Variants in KCNH5 observed in about 807,000 individuals in gnomAD.
KCNH5 encodes voltage-gated delayed rectifier potassium channel KCNH5.
Under a neutral mutation model 96.1 loss-of-function variants are expected in KCNH5, and 46 were observed. That is an observed-to-expected ratio of 0.48 (90% CI 0.38 to 0.61). The LOEUF (loss-of-function observed/expected upper bound fraction) is 0.61. KCNH5 is among the 20% of genes least tolerant of loss of function. KCNH5 has a pLI of 0.00. For synonymous variants in KCNH5, 439 were observed against 449.8 expected (o/e 0.98, Z 0.30); for missense variants, 907 against 1,225.8 (o/e 0.74, Z 3.88).
chr14:62,905,499 G>C (rs375656517), intron 7 of KCNH5, among the ~76,000 whole-genome samples: 2 of 152,108 alleles, frequency 1.3e-5, no homozygotes, highest in South Asian at 2.1e-4. Context: ...CTTCATTGAG[G>C]GGGGCAGGGG....
chr14:62,921,455 G>A (rs1889379956), intron 7 of KCNH5, among the ~76,000 whole-genome samples: 1 of 152,096 alleles, frequency 6.6e-6, no homozygotes, highest in African/African-American at 2.4e-5. Context: ...AAAATGCCAA[G>A]TAAAGGGAAG....
intron 7 of KCNH5, among the ~76,000 whole-genome samples, chr14:62,890,656 G>A (rs1888691298): frequency 7.2e-6 from 1 of 139,574 alleles, no homozygotes; most frequent in African/African-American, 2.7e-5. Flanking sequence ...CCGAGATCGC[G>A]CCACTGCACT....
intron 7 of KCNH5, among the ~76,000 whole-genome samples, chr14:62,866,337 A>G (rs1300778928): frequency 1.3e-5 from 2 of 152,172 alleles, no homozygotes; most frequent in African/African-American, 2.4e-5. Context: ...CCCATGAAAC[A>G]CTGTATCCTA....
intron 6 of KCNH5, among the ~76,000 whole-genome samples, chr14:62,965,804 A>G (rs1252124078): frequency 6.6e-6 from 1 of 152,154 alleles, no homozygotes; most frequent in Non-Finnish European, 1.5e-5. Flanking sequence ...TATTTCCTAA[A>G]AATAATTACT....
intron 9 of KCNH5, among the ~76,000 whole-genome samples, chr14:62,797,403 A>G (rs1886562847): frequency 6.6e-6 from 1 of 152,212 alleles, no homozygotes; most frequent in African/African-American, 2.4e-5. Flanking sequence ...TTTCATCATC[A>G]TGATCTATAG....
chr14:62,865,009 T>C (rs1595661280), intron 7 of KCNH5, among the ~76,000 whole-genome samples: 1 of 152,254 alleles, frequency 6.6e-6, no homozygotes, highest in East Asian at 1.9e-4. Context: ...AGGTGTTTAC[T>C]ACACCAACCA....
intron 10 of KCNH5, chr14:62,712,471 T>C (rs1384346972): frequency 1.7e-6 from 1 of 596,210 alleles, no homozygotes; most frequent in Non-Finnish European, 3.0e-6. Flanking sequence ...AGAAGCAAAT[T>C]GAGGCATAAA....
chr14:62,895,870 T>C (rs189618207), intron 7 of KCNH5, among the ~76,000 whole-genome samples: 2 of 152,314 alleles, frequency 1.3e-5, no homozygotes, highest in East Asian at 3.9e-4. Flanking sequence ...GATAGCCTAG[T>C]CTACTTTGAA....
intron 7 of KCNH5, among the ~76,000 whole-genome samples, chr14:62,875,917 C>T (rs551600029): frequency 2.1e-4 from 32 of 152,254 alleles, no homozygotes; most frequent in African/African-American, 7.7e-4. Flanking sequence ...TGCCTGTATC[C>T]CAGCACTTTG....
intron 9 of KCNH5, among the ~76,000 whole-genome samples, chr14:62,792,128 T>C (rs1285309498): frequency 6.6e-6 from 1 of 151,570 alleles, no homozygotes; most frequent in Non-Finnish European, 1.5e-5. Context: ...AAAATGAGTA[T>C]TAAAATTAAG....
chr14:62,785,171 C>A (rs990003422), intron 9 of KCNH5, among the ~76,000 whole-genome samples: 1 of 152,152 alleles, frequency 6.6e-6, no homozygotes, highest in Non-Finnish European at 1.5e-5. Flanking sequence ...TCACAACAAA[C>A]TTTTACCGTG....
At chr14:62,815,267 AC>A (rs1196832038) in intron 8 of KCNH5, among the ~76,000 whole-genome samples, 1 of 152,102 alleles carries the variant, frequency 6.6e-6, no homozygotes, top group Non-Finnish European at 1.5e-5. Flanking sequence ...GGTTTACATT[AC>A]TCTTGAGGGC....
At chr14:62,950,072 G>T in intron 7 of KCNH5, 61 bp downstream of exon 7, 1 of 1,443,286 alleles carries the variant, frequency 6.9e-7, no homozygotes, top group Non-Finnish European at 9.7e-7. Context: ...TCCTATCTGA[G>T]ATTGTAGCCA....
At chr14:62,772,057 T>C (rs1334464302) in intron 10 of KCNH5, among the ~76,000 whole-genome samples, 1 of 152,200 alleles carries the variant, frequency 6.6e-6, no homozygotes. Flanking sequence ...TTTGCATTTT[T>C]GGAATTGGCT....
Position 62,849,643 on chromosome 14 carries a change from T to C in KCNH5, c.1569+10A>G, listed in dbSNP as rs571904908. The C allele has an allele frequency of 2.5e-6, 4 of 1,607,778 alleles. No individual in the cohort carries two copies. Among genetic ancestry groups the C allele is most frequent in the African/African-American group, 1.3e-5 (1 of 74,910 alleles). On this transcript the variant is annotated intron_variant, in intron 8 of 10. Coordinates refer to ENST00000322893, the MANE Select transcript of KCNH5 (RefSeq NM_139318.5). Reference sequence around the variant, plus strand: ...AATAGAAACTAAATAATAACAATAATAACCCATACCTTTTCTGTATCAATG... The same window carrying C: ...AATAGAAACTAAATAATAACAATAACAACCCATACCTTTTCTGTATCAATG...
chr14:62,960,130 T>C (rs1890178996), intron 6 of KCNH5, among the ~76,000 whole-genome samples: 3 of 152,202 alleles, frequency 2.0e-5, no homozygotes, highest in African/African-American at 7.2e-5. Context: ...GATTATGCAC[T>C]TGCTGTTCTT....
chr14:62,738,400 A>T (rs1385337425), intron 10 of KCNH5, among the ~76,000 whole-genome samples: 1 of 152,206 alleles, frequency 6.6e-6, no homozygotes, highest in African/African-American at 2.4e-5. Flanking sequence ...AGGACAACCG[A>T]ATTCGAAAGA....
chr14:62,936,366 T>G (rs1034258266), intron 7 of KCNH5, among the ~76,000 whole-genome samples: 3 of 151,456 alleles, frequency 2.0e-5, no homozygotes, highest in Non-Finnish European at 4.4e-5. Context: ...GAGAGAGAGA[T>G]GGACAATGCA....
chr14:62,823,093 T>C (rs1887147948), intron 8 of KCNH5, among the ~76,000 whole-genome samples: 1 of 152,094 alleles, frequency 6.6e-6, no homozygotes. Flanking sequence ...CTGGCTCTTT[T>C]GGAAACATTT....
Sources: allele counts gnomAD v4.1 joint callset (sites outside exome capture counted in the v4.1 genomes callset), GRCh38; gene constraint gnomAD v4.1.1; transcripts MANE v1.5; gene names NCBI Gene and HGNC (gene_info 2026-07-23, HGNC 2026-07-21).